The following PPFIA1 variants were observed in gnomAD, a reference collection of about 807,000 sequenced individuals.
PPFIA1 encodes PPFI scaffold protein A1.
Under a neutral mutation model 149.9 loss-of-function variants are expected in PPFIA1, and 25 were observed. The ratio of observed to expected loss-of-function variants is 0.17; its 90% CI spans 0.12 to 0.23. PPFIA1 has a LOEUF of 0.23. PPFIA1 is among the 10% of genes least tolerant of loss of function. The probability of loss-of-function intolerance (pLI) is 1.00; values close to 1 mark genes in which losing one functional copy is unlikely to be tolerated. For synonymous variants in PPFIA1, 549 were observed against 552.8 expected (o/e 0.99, Z 0.10); for missense variants, 1,362 against 1,506.5 (o/e 0.90, Z 1.59).
intron 26 of PPFIA1, among the ~76,000 whole-genome samples, chr11:70,380,166 G>A (rs559654844): frequency 6.9e-4 from 105 of 152,288 alleles, no homozygotes; most frequent in South Asian, 2.3e-3. Context: ...CCAGCACTTT[G>A]GGAGGCTGAG....
chr11:70,327,910 T>G (rs2054417808), intron 7 of PPFIA1, among the ~76,000 whole-genome samples: 1 of 152,188 alleles, frequency 6.6e-6, no homozygotes, highest in Admixed American at 6.5e-5. Flanking sequence ...GCTTTTCAGT[T>G]TGGTAGTTTG....
At chr11:70,273,256 CAA>C (rs112897172) in intron 2 of PPFIA1, among the ~76,000 whole-genome samples, 1 of 142,370 alleles carries the variant, frequency 7.0e-6, no homozygotes. Flanking sequence ...CAGCCTGTCT[CAA>C]AAAAAAAAAA....
At chr11:70,286,489 G>A (rs768028875) in intron 2 of PPFIA1, among the ~76,000 whole-genome samples, 1 of 152,170 alleles carries the variant, frequency 6.6e-6, no homozygotes, top group Non-Finnish European at 1.5e-5. Flanking sequence ...GACCTCTGAT[G>A]ATCTGCCCTT....
At chr11:70,344,556 G>C (rs1449705057) in intron 15 of PPFIA1, among the ~76,000 whole-genome samples, 5 of 152,214 alleles carry the variant, frequency 3.3e-5, no homozygotes, top group African/African-American at 1.2e-4. Context: ...CGCATGTGCA[G>C]CCTCCTGCAC....
rs1231751796 is a variant in PPFIA1, at chr11:70,335,607, A to G, written c.1341A>G (p.Leu447=). The change falls in exon 11 of 28, where the codon TTA becomes TTG. Residue 447 remains leucine, a synonymous_variant. Coordinates refer to ENST00000253925, the MANE Select transcript of PPFIA1 (RefSeq NM_003626.5). ...TGAACGAAGAACATAATAAACGTTT[A>G]TCAGACACTGTTGACAAGCTGCTTT... ...EKMNEEHNKR[L]SDTVDKLLSE... 1 of 1,614,006 alleles carries G rather than the reference A, an allele frequency of 6.2e-7. No homozygotes were observed. The highest frequency in any genetic ancestry group is 2.2e-5 in the East Asian group (1 of 44,898).
chr11:70,315,678 G>GTTTTTT (rs71049904), intron 2 of PPFIA1, among the ~76,000 whole-genome samples: 12 of 73,018 alleles, frequency 1.6e-4, no homozygotes, highest in East Asian at 4.9e-4. Context: ...CTTTTTTTCT[G>GTTTTTT]TTTTTTTTTT....
At chr11:70,279,104 C>G (rs959054693) in intron 2 of PPFIA1, 17 of 537,964 alleles carry the variant, frequency 3.2e-5, no homozygotes, top group Non-Finnish European at 5.9e-5. Flanking sequence ...GTTCAAGTAC[C>G]TCTGCGGTGA....
At chr11:70,345,792 C>T (rs964807547) in intron 15 of PPFIA1, 1 of 207,060 alleles carries the variant, frequency 4.8e-6, no homozygotes, top group East Asian at 1.4e-4. Context: ...ATGCTGCTGC[C>T]CTCCAGCCAG....
intron 25 of PPFIA1, 85 bp downstream of exon 25, chr11:70,376,685 T>A: frequency 8.5e-7 from 1 of 1,178,818 alleles, no homozygotes; most frequent in South Asian, 1.2e-5. Flanking sequence ...GTTATTATTA[T>A]TATACTTGGG....
At chr11:70,350,452 T>G (rs1444309561) in intron 16 of PPFIA1, among the ~76,000 whole-genome samples, 1 of 152,216 alleles carries the variant, frequency 6.6e-6, no homozygotes, top group Non-Finnish European at 1.5e-5. Context: ...CTACCTAATA[T>G]TATGCTAGCT....
At chr11:70,364,357 A>C (rs1034358261) in intron 21 of PPFIA1, 2 of 152,202 alleles carry the variant, frequency 1.3e-5, no homozygotes, top group African/African-American at 4.8e-5. Context: ...TAAAAACAAG[A>C]ATGGTTATTG....
At chr11:70,301,619 C>T (rs77584792) in intron 2 of PPFIA1, among the ~76,000 whole-genome samples, 2,920 of 152,118 alleles carry the variant, frequency 0.019, 61 homozygotes, top group Non-Finnish European at 0.023. Context: ...GCATATAGCA[C>T]CTTAGAAATA....
chr11:70,304,296 C>T (rs529323060), intron 2 of PPFIA1, among the ~76,000 whole-genome samples: 1 of 152,160 alleles, frequency 6.6e-6, no homozygotes, highest in African/African-American at 2.4e-5. Context: ...CTGTGCATCT[C>T]TCCTTCTGCT....
chr11:70,295,461 A>C (rs1289822705), intron 2 of PPFIA1, among the ~76,000 whole-genome samples: 3 of 134,814 alleles, frequency 2.2e-5, no homozygotes, highest in African/African-American at 8.5e-5. Context: ...GCAGCCGGGC[A>C]GAGGCGCCCC....
At chr11:70,309,894 G>A (rs1284631416) in intron 2 of PPFIA1, among the ~76,000 whole-genome samples, 3 of 152,048 alleles carry the variant, frequency 2.0e-5, no homozygotes, top group Non-Finnish European at 4.4e-5. Flanking sequence ...GGTTTTTTTG[G>A]GGGGTGACGA....
chr11:70,330,233 G>A lies in PPFIA1; in HGVS notation c.991G>A (p.Ala331Thr), dbSNP rs148840074. Residue 331 changes from alanine (A) to threonine (T), a missense_variant, in exon 8 of 28, where the codon GCT becomes ACT. Transcript: ENST00000253925. Reference sequence around the variant, plus strand: ...CACTACTCTTGAAAAACGCTACCTCGCTGCACAGCGTGAAGCCACATCTGT... The same window carrying A: ...CACTACTCTTGAAAAACGCTACCTCACTGCACAGCGTGAAGCCACATCTGT... ...RITTLEKRYL[A>T]AQREATSVHD... 1.1e-5 allele frequency: 17 copies of A among 1,601,926 alleles called. No homozygotes were observed. In the African/African-American group the frequency reaches 1.7e-4, roughly 16 times the overall value.
chr11:70,340,182 C>T (rs2055238218), intron 14 of PPFIA1, among the ~76,000 whole-genome samples: 1 of 151,560 alleles, frequency 6.6e-6, no homozygotes, highest in African/African-American at 2.4e-5. Context: ...TAGTGTGTGC[C>T]TATAGTCCCA....
At chr11:70,331,864 C>T in intron 8 of PPFIA1, 96 bp from the exon 9 acceptor site, 3 of 1,375,794 alleles carry the variant, frequency 2.2e-6, no homozygotes, top group Non-Finnish European at 2.9e-6. Flanking sequence ...TCATGACTCT[C>T]TTAGTCTGTA....
chr11:70,301,875 C>T (rs534265297), intron 2 of PPFIA1, among the ~76,000 whole-genome samples: 24 of 152,234 alleles, frequency 1.6e-4, no homozygotes, highest in East Asian at 7.7e-4. Flanking sequence ...GAATGTTTCA[C>T]GGGACCACCG....
Sources: allele counts gnomAD v4.1 joint callset (sites outside exome capture counted in the v4.1 genomes callset), GRCh38; gene constraint gnomAD v4.1.1; transcripts MANE v1.5; gene names NCBI Gene and HGNC (gene_info 2026-07-23, HGNC 2026-07-21).